SLC9B1: variants seen among roughly 807,000 people sequenced by gnomAD.
The protein encoded by SLC9B1 is sodium/hydrogen exchanger 9B1.
A neutral mutation model predicts 51.7 loss-of-function variants in SLC9B1; 32 were observed. The ratio of observed to expected loss-of-function variants is 0.62; its 90% CI spans 0.47 to 0.83. SLC9B1 has a LOEUF of 0.83. SLC9B1 is among the 40% of genes least tolerant of loss of function. The pLI is 0.00. For missense variants in SLC9B1, 406 were observed against 613.2 expected (o/e 0.66, Z 3.57); for synonymous variants, 145 against 212.7 (o/e 0.68, Z 2.77).
At chr4:102,905,050 A>T (rs1197401197) in intron 11 of SLC9B1, among the ~76,000 whole-genome samples, 1 of 151,674 alleles carries the variant, frequency 6.6e-6, no homozygotes. Flanking sequence ...GCTACTCAGG[A>T]GGCTGATGTG....
chr4:102,888,627 A>G (rs1445350372), intron 11 of SLC9B1: 1 of 152,230 alleles, frequency 6.6e-6, no homozygotes, highest in East Asian at 1.9e-4. Context: ...ATCTTACATT[A>G]CTACTCTCAT....
chr4:102,936,405 A>G (rs1227969896), intron 6 of SLC9B1, among the ~76,000 whole-genome samples: 2 of 152,238 alleles, frequency 1.3e-5, no homozygotes, highest in African/African-American at 4.8e-5. Flanking sequence ...ATGGTTGTTA[A>G]CCAGGATTAA....
chr4:102,925,338 G>A (rs1736104464), intron 7 of SLC9B1, among the ~76,000 whole-genome samples: 1 of 152,092 alleles, frequency 6.6e-6, no homozygotes. Flanking sequence ...CTCACTCATA[G>A]GTGGGAATTG....
chr4:102,920,847 G>C (rs182985826), intron 7 of SLC9B1, among the ~76,000 whole-genome samples: 1 of 152,132 alleles, frequency 6.6e-6, no homozygotes, highest in Non-Finnish European at 1.5e-5. Context: ...AAAGTGAGAA[G>C]ACAAGGTTAG....
chr4:103,005,189 A>G lies in SLC9B1; in HGVS notation c.-1-13477T>C, dbSNP rs558691072. 1.1e-4 allele frequency among the ~76,000 whole-genome samples: 17 copies of G among 152,146 alleles called. No homozygotes were observed. In the South Asian group the frequency reaches 1.7e-3, roughly 15 times the overall value. On this transcript the variant is annotated intron_variant, in intron 1 of 11. Coordinates refer to ENST00000296422, the MANE Select transcript of SLC9B1 (RefSeq NM_139173.4). ...AGACCCAACAATATACTGTCTTCAA[A>G]AGACTCATCTCACATGCAATGATAA...
At chr4:102,990,820 CAG>C (rs1739905912) in intron 2 of SLC9B1, among the ~76,000 whole-genome samples, 1 of 151,962 alleles carries the variant, frequency 6.6e-6, no homozygotes, top group Non-Finnish European at 1.5e-5. Context: ...ACTAAGGAGA[CAG>C]AGATATCAAG....
intron 4 of SLC9B1, among the ~76,000 whole-genome samples, chr4:102,948,377 A>G (rs1737377927): frequency 6.8e-6 from 1 of 147,988 alleles, no homozygotes; most frequent in Non-Finnish European, 1.5e-5. Flanking sequence ...CTACTGGTCA[A>G]TATCCCTGAT....
chr4:102,963,004 G>C lies in SLC9B1; in HGVS notation c.212-13577C>G, dbSNP rs192865595. 1.7e-3 allele frequency: 781 copies of C among 459,144 alleles called. 10 individuals carry two copies. The highest frequency in any genetic ancestry group is 3.0e-4 in the Non-Finnish European group (69 of 227,178). The allele number at this position is 459,144 out of a possible 1,614,324, so 28.4% of individuals were successfully genotyped here. On this transcript the variant is annotated intron_variant, in intron 3 of 11. Coordinates refer to ENST00000296422, the MANE Select transcript of SLC9B1 (RefSeq NM_139173.4). ...TTGATGAATACAAAACTGTCCCATT[G>C]ATGTGCATGGTCCACTGTATAAGAA...
In SLC9B1 at chr4:102,968,344, A is replaced by C. The variant is rs572242455; in HGVS notation, c.212-18917T>G. ...TTAGGTCATATGCAAAAATTAACTA[A>C]AATGGATCACAGACCTAATTGTATG... On this transcript the variant is annotated intron_variant, in intron 3 of 11. Transcript: ENST00000296422. Among the ~76,000 whole-genome samples the C allele has an allele frequency of 2.6e-5, 4 of 152,384 alleles. No individual in the cohort carries two copies. In the South Asian group the frequency reaches 8.3e-4, roughly 32 times the overall value.
At chr4:102,887,856 A>C (rs527815582) in intron 11 of SLC9B1, 1 of 160,438 alleles carries the variant, frequency 6.2e-6, no homozygotes, top group South Asian at 1.8e-4. Context: ...GCATTTGGTT[A>C]GGTGAATTAA....
intron 3 of SLC9B1, among the ~76,000 whole-genome samples, chr4:102,978,989 A>G (rs1389840048): frequency 6.6e-6 from 1 of 152,214 alleles, no homozygotes; most frequent in Non-Finnish European, 1.5e-5. Flanking sequence ...AGCTTTTTAA[A>G]TATGATGCTG....
intron 3 of SLC9B1, among the ~76,000 whole-genome samples, chr4:102,955,553 A>G (rs895897606): frequency 1.3e-5 from 2 of 152,112 alleles, no homozygotes; most frequent in African/African-American, 2.4e-5. Flanking sequence ...GAGGGAAGAA[A>G]TCAATGGTTT....
At chr4:102,957,949 C>G (rs1237256173) in intron 3 of SLC9B1, among the ~76,000 whole-genome samples, 3 of 152,028 alleles carry the variant, frequency 2.0e-5, no homozygotes, top group African/African-American at 7.2e-5. Context: ...AATTATTAAA[C>G]CAAAGTAGAT....
In SLC9B1 at chr4:102,946,694, C is replaced by T. The variant is rs1391657155; in HGVS notation, c.478G>A (p.Ala160Thr). ...NTWSSILRSI[A>T]LTIILIRAGL... ...GCTCTTATTAGAATAATGGTAAGGG[C>T]AATGCTTCTTAAAATTGAAGACCAT... The change falls in exon 5 of 12, where the codon GCC becomes ACC. Residue 160 changes from alanine (A) to threonine (T), a missense_variant. Physicochemically the swap from Ala to Thr is moderately conservative, Grantham distance 58. Around this residue, in one of 6 missense-constraint regions of SLC9B1, gnomAD observed 250 missense variants for 394.1 expected, o/e 0.63. Coordinates refer to ENST00000296422, the MANE Select transcript of SLC9B1 (RefSeq NM_139173.4). The T allele has an allele frequency of 1.2e-6, 2 of 1,610,340 alleles. No homozygotes were observed. The highest frequency in any genetic ancestry group is 1.7e-6 in the Non-Finnish European group (2 of 1,179,288).
chr4:102,991,819 A>G (rs772998045), intron 1 of SLC9B1, 107 bp from the exon 2 acceptor site: 7 of 707,114 alleles, frequency 9.9e-6, no homozygotes, highest in Admixed American at 3.4e-5. Flanking sequence ...TTTTTGTTCT[A>G]AAGTTGTATC....
At chr4:102,893,007 G>A (rs1315002889) in intron 11 of SLC9B1, among the ~76,000 whole-genome samples, 5 of 151,968 alleles carry the variant, frequency 3.3e-5, no homozygotes, top group East Asian at 1.9e-4. Flanking sequence ...GGCCAGGTGC[G>A]GTGGCTCACA....
At chr4:102,949,184 T>G (rs986309487) in intron 4 of SLC9B1, 73 bp downstream of exon 4, 4 of 1,205,014 alleles carry the variant, frequency 3.3e-6, no homozygotes, top group Non-Finnish European at 4.6e-6. Flanking sequence ...GAATTATAAC[T>G]AATTCAACAA....
chr4:102,893,555 A>G (rs537919265), intron 11 of SLC9B1, among the ~76,000 whole-genome samples: 1 of 152,142 alleles, frequency 6.6e-6, no homozygotes, highest in Non-Finnish European at 1.5e-5. Flanking sequence ...AGTATCCCAA[A>G]TTTTTTTTAA....
intron 1 of SLC9B1, among the ~76,000 whole-genome samples, chr4:102,996,328 C>T (rs745632565): frequency 6.6e-6 from 1 of 152,100 alleles, no homozygotes; most frequent in African/African-American, 2.4e-5. Context: ...TATCATCTCC[C>T]ACTCTGTGTC....
Sources: allele counts gnomAD v4.1 joint callset (sites outside exome capture counted in the v4.1 genomes callset), GRCh38; gene constraint gnomAD v4.1.1; regional missense constraint gnomAD v4.1.1; transcripts MANE v1.5; gene names NCBI Gene and HGNC (gene_info 2026-07-23, HGNC 2026-07-21).